The following ERC2 variants were observed in gnomAD, a reference collection of about 807,000 sequenced individuals.
ERC2 encodes the protein ELKS/RAB6-interacting/CAST family member 2.
A neutral mutation model predicts 114.8 loss-of-function variants in ERC2; 42 were observed. That is an observed-to-expected ratio of 0.37 (90% CI 0.29 to 0.47). The LOEUF (loss-of-function observed/expected upper bound fraction) is 0.47. ERC2 is among the 20% of genes least tolerant of loss of function. ERC2 has a pLI of 0.99. For missense variants in ERC2, 939 were observed against 1,150.7 expected (o/e 0.82, Z 2.66); for synonymous variants, 454 against 425.5 (o/e 1.07, Z -0.82).
chr3:56,228,922 A>T (rs1314905047), intron 3 of ERC2, among the ~76,000 whole-genome samples: 1 of 151,990 alleles, frequency 6.6e-6, no homozygotes, highest in Non-Finnish European at 1.5e-5. Flanking sequence ...TAGGGCAGGG[A>T]GGGGTTCCAG....
At chr3:55,534,607 G>GATCA (rs1172017247) in intron 17 of ERC2, among the ~76,000 whole-genome samples, 1 of 151,942 alleles carries the variant, frequency 6.6e-6, no homozygotes, top group African/African-American at 2.4e-5. Context: ...GAGGTGGGAG[G>GATCA]ATCAATCGAG....
At chr3:55,523,087 C>T (rs573663973) in intron 17 of ERC2, among the ~76,000 whole-genome samples, 2 of 152,320 alleles carry the variant, frequency 1.3e-5, no homozygotes, top group African/African-American at 2.4e-5. Flanking sequence ...TGCCTTTGGG[C>T]AGACCTGGGC....
chr3:56,032,977 G>GAAAGAAAGAGAA (rs767054115), intron 7 of ERC2, among the ~76,000 whole-genome samples: 20 of 45,474 alleles, frequency 4.4e-4, no homozygotes, highest in African/African-American at 8.3e-4. Context: ...AAGAAAGAAA[G>GAAAGAAAGAGAA]AGAAAGAAAG....
intron 17 of ERC2, among the ~76,000 whole-genome samples, chr3:55,533,713 CTGCTCCTGGGGAGA>C (rs1431003073): frequency 2.0e-5 from 3 of 152,208 alleles, no homozygotes; most frequent in African/African-American, 7.2e-5. Flanking sequence ...CACACGTGTG[CTGCTCCTGGGGAGA>C]TGCTTCCATG....
intron 6 of ERC2, among the ~76,000 whole-genome samples, chr3:56,117,416 C>G (rs1436540165): frequency 6.6e-6 from 1 of 152,208 alleles, no homozygotes; most frequent in African/African-American, 2.4e-5. Context: ...TTCTATGTAA[C>G]TAGCTGCTAA....
At chr3:56,233,933 A>C (rs1203482495) in intron 3 of ERC2, among the ~76,000 whole-genome samples, 2 of 152,182 alleles carry the variant, frequency 1.3e-5, no homozygotes, top group African/African-American at 4.8e-5. Flanking sequence ...CATTGGGCTC[A>C]CTTGTATAAT....
intron 3 of ERC2, among the ~76,000 whole-genome samples, chr3:56,266,131 ATT>A (rs747696056): frequency 2.7e-5 from 3 of 112,270 alleles, no homozygotes; most frequent in Admixed American, 1.0e-4. Flanking sequence ...AAATAACTAG[ATT>A]TTTTTTTTTT....
chr3:56,443,388 T>C (rs2062408956), intron 1 of ERC2, among the ~76,000 whole-genome samples: 1 of 152,208 alleles, frequency 6.6e-6, no homozygotes, highest in African/African-American at 2.4e-5. Flanking sequence ...ATTTGGGAAT[T>C]AGTTTCTCCC....
chr3:56,159,437 C>T (rs2081934220), intron 4 of ERC2, among the ~76,000 whole-genome samples: 2 of 152,160 alleles, frequency 1.3e-5, no homozygotes, highest in African/African-American at 4.8e-5. Context: ...CCTTTTTACA[C>T]ATTAAGAATA....
At chr3:55,824,422 C>G (rs996476795) in intron 14 of ERC2, among the ~76,000 whole-genome samples, 3 of 152,056 alleles carry the variant, frequency 2.0e-5, no homozygotes, top group African/African-American at 7.2e-5. Flanking sequence ...TTTATATGAG[C>G]AAAAATAAAC....
At chr3:55,772,400 C>T (rs911603072) in intron 14 of ERC2, among the ~76,000 whole-genome samples, 24 of 152,066 alleles carry the variant, frequency 1.6e-4, no homozygotes, top group Admixed American at 2.6e-4. Context: ...CTGCAAGCTC[C>T]GCCTCCCGGG....
chr3:56,112,046 AAACT>A (rs1575464206), intron 6 of ERC2, among the ~76,000 whole-genome samples: 3 of 152,008 alleles, frequency 2.0e-5, no homozygotes, highest in Admixed American at 6.6e-5. Context: ...AAACATCTTA[AAACT>A]AACTAAAAAC....
At chr3:55,691,576 AT>A (rs2062667897) in intron 16 of ERC2, among the ~76,000 whole-genome samples, 80 of 53,318 alleles carry the variant, frequency 1.5e-3, no homozygotes, top group African/African-American at 6.4e-3. Flanking sequence ...AAAAAAAAAT[AT>A]ATATATATAT....
At chr3:56,220,644 T>C (rs1372856770) in intron 3 of ERC2, among the ~76,000 whole-genome samples, 1 of 152,230 alleles carries the variant, frequency 6.6e-6, no homozygotes, top group African/African-American at 2.4e-5. Flanking sequence ...CTGGCTCCAC[T>C]GCAATTGTCC....
intron 2 of ERC2, among the ~76,000 whole-genome samples, chr3:56,307,761 G>A (rs1034696483): frequency 1.3e-5 from 2 of 152,074 alleles, no homozygotes; most frequent in South Asian, 4.1e-4. Flanking sequence ...TCTGTTGGGG[G>A]AGTAGTGGAA....
chr3:55,837,403 A>AGAAATGTG (rs1198599753), intron 14 of ERC2, among the ~76,000 whole-genome samples: 5 of 152,054 alleles, frequency 3.3e-5, no homozygotes, highest in Non-Finnish European at 7.4e-5. Flanking sequence ...GCACATATAC[A>AGAAATGTG]CCATGGAATA....
At chr3:55,650,075 G>A (rs1412204524) in intron 17 of ERC2, among the ~76,000 whole-genome samples, 1 of 152,186 alleles carries the variant, frequency 6.6e-6, no homozygotes, top group African/African-American at 2.4e-5. Context: ...GTGAAACAGA[G>A]GATTGTGTTG....
intron 10 of ERC2, among the ~76,000 whole-genome samples, chr3:56,000,929 C>T (rs2071999728): frequency 6.7e-6 from 1 of 149,416 alleles, no homozygotes; most frequent in Admixed American, 6.7e-5. Context: ...AAGAAATTAC[C>T]AACATTAGAG....
intron 13 of ERC2, among the ~76,000 whole-genome samples, chr3:55,906,893 G>A (rs2064488756): frequency 6.6e-6 from 1 of 152,152 alleles, no homozygotes; most frequent in Admixed American, 6.5e-5. Flanking sequence ...TTCAATCAGA[G>A]GGTGATCAGG....
Sources: gnomAD v4.1 joint callset for allele counts (sites outside exome capture counted in the v4.1 genomes callset) on GRCh38, gnomAD v4.1.1 for gene constraint, MANE v1.5 for transcripts, NCBI Gene and HGNC (gene_info 2026-07-23, HGNC 2026-07-21) for gene names.